The following SDK1 variants were observed in gnomAD, a reference collection of about 807,000 sequenced individuals.
SDK1 encodes the protein sidekick cell adhesion molecule 1.
In SDK1, 157 loss-of-function variants were observed where a neutral mutation model predicts 245.5. The ratio of observed to expected loss-of-function variants is 0.64; its 90% confidence interval spans 0.56 to 0.73. SDK1 has a LOEUF of 0.73. Ranked by LOEUF, SDK1 falls within the 30% of genes least tolerant of loss-of-function variation. The pLI, the probability that SDK1 is intolerant of heterozygous loss-of-function variation, is 0.00. For missense variants in SDK1, 3,583 were observed against 3,002.3 expected (o/e 1.19, Z -4.52); for synonymous variants, 1,647 against 1,278.5 (o/e 1.29, Z -6.15).
intron 4 of SDK1, among the ~76,000 whole-genome samples, chr7:3,735,444 T>C (rs571334882): frequency 9.3e-4 from 141 of 152,290 alleles, no homozygotes; most frequent in East Asian, 1.4e-3. Flanking sequence ...GACAGACTTA[T>C]TTCACTTGGT....
At chr7:3,942,947 C>T (rs978219744) in intron 5 of SDK1, among the ~76,000 whole-genome samples, 24 of 152,144 alleles carry the variant, frequency 1.6e-4, no homozygotes, top group African/African-American at 5.6e-4. Context: ...TTGAGGGCAG[C>T]TTTGACCTCA....
At chr7:4,018,898 A>G (rs1786646662) in intron 17 of SDK1, among the ~76,000 whole-genome samples, 1 of 152,224 alleles carries the variant, frequency 6.6e-6, no homozygotes, top group Non-Finnish European at 1.5e-5. Context: ...CTAGAGACAA[A>G]AAAAATGAAT....
intron 32 of SDK1, among the ~76,000 whole-genome samples, chr7:4,163,776 G>T (rs1781320427): frequency 6.6e-6 from 1 of 152,146 alleles, no homozygotes; most frequent in Non-Finnish European, 1.5e-5. Flanking sequence ...AGGCTGGGCT[G>T]TGGGTGGGGC....
Position 4,155,240 on chromosome 7 carries a change from C to T in SDK1, c.4626-3208C>T, listed in dbSNP as rs917467062. On this transcript the variant is annotated intron_variant, in intron 30 of 44. Transcript: ENST00000404826. ...ACCGAGAGGGTTAACTCCCCCAGAT[C>T]CGCATTTTGTGTTCCCTGCAGCTCA... Among the ~76,000 whole-genome samples the T allele has an allele frequency of 3.3e-5, 5 of 152,096 alleles. No homozygotes were observed. In the East Asian group the frequency reaches 9.7e-4, roughly 30 times the overall value.
At chr7:3,588,353 G>T (rs912505969) in intron 1 of SDK1, among the ~76,000 whole-genome samples, 1 of 152,184 alleles carries the variant, frequency 6.6e-6, no homozygotes, top group Non-Finnish European at 1.5e-5. Flanking sequence ...CAGTCTTTTA[G>T]TTGTATACTA....
At chr7:4,096,478 A>G (rs147039037) in intron 22 of SDK1, among the ~76,000 whole-genome samples, 2 of 152,150 alleles carry the variant, frequency 1.3e-5, no homozygotes, top group South Asian at 2.1e-4. Flanking sequence ...CTAGGGGCCA[A>G]CTATACCGGG....
At chr7:3,964,637 G>A (rs976225726) in intron 9 of SDK1, among the ~76,000 whole-genome samples, 3 of 152,090 alleles carry the variant, frequency 2.0e-5, no homozygotes, top group African/African-American at 7.2e-5. Context: ...TTCCATGGTT[G>A]TATAATACTG....
At chr7:3,769,550 T>A (rs183182213) in intron 4 of SDK1, among the ~76,000 whole-genome samples, 1 of 152,104 alleles carries the variant, frequency 6.6e-6, no homozygotes, top group African/African-American at 2.4e-5. Flanking sequence ...TACTATCACA[T>A]TGGGTATTAA....
At chr7:4,019,571 C>T (rs139658055) in intron 17 of SDK1, among the ~76,000 whole-genome samples, 1 of 152,030 alleles carries the variant, frequency 6.6e-6, no homozygotes, top group East Asian at 1.9e-4. Context: ...GAGAACCTGA[C>T]TTCGATTGGT....
At chr7:3,989,695 G>A (rs1315134880) in intron 14 of SDK1, among the ~76,000 whole-genome samples, 1 of 152,172 alleles carries the variant, frequency 6.6e-6, no homozygotes, top group Non-Finnish European at 1.5e-5. Context: ...GGCAGATTCA[G>A]CCTGAGTTCT....
At chr7:3,380,705 A>T (rs1490212317) in intron 1 of SDK1, among the ~76,000 whole-genome samples, 1 of 152,174 alleles carries the variant, frequency 6.6e-6, no homozygotes, top group Non-Finnish European at 1.5e-5. Context: ...TTCTTGATTT[A>T]CTGTAGAGTA....
At chr7:4,064,683 G>A (rs922245793) in intron 19 of SDK1, among the ~76,000 whole-genome samples, 2 of 152,040 alleles carry the variant, frequency 1.3e-5, no homozygotes, top group Admixed American at 6.6e-5. Flanking sequence ...GTAGACCAAC[G>A]GATAAGAAAA....
chr7:3,704,693 A>G (rs953453136), intron 4 of SDK1, among the ~76,000 whole-genome samples: 1 of 152,122 alleles, frequency 6.6e-6, no homozygotes, highest in Non-Finnish European at 1.5e-5. Flanking sequence ...TTTTAGTTTA[A>G]TTAGATCCCA....
rs770171071 is a variant in SDK1, at chr7:4,221,314, A to G, written c.5777A>G (p.His1926Arg). ...SELTLQWTEG[H>R]SGDTPTTGYV... ...CTGACGCTGCAGTGGACTGAGGGAC[A>G]CTCTGGCGACACACCTACCACGGGC... The change falls in exon 40 of 45, where the codon CAC becomes CGC. Residue 1926 changes from histidine (H) to arginine (R), a missense_variant. By Grantham distance (29) the His-to-Arg change is conservative. Coordinates refer to ENST00000404826, the MANE Select transcript of SDK1 (RefSeq NM_152744.4). 3.7e-6 allele frequency: 6 copies of G among 1,613,322 alleles called. No homozygotes were observed. The South Asian group carries it at 6.6e-5, about 18-fold the overall frequency.
At chr7:4,084,663 T>TA (rs199777317) in intron 22 of SDK1, among the ~76,000 whole-genome samples, 65 of 105,270 alleles carry the variant, frequency 6.2e-4, no homozygotes, top group African/African-American at 5.6e-3. Context: ...CTTAAATGTA[T>TA]ATGTTATGTT....
chr7:3,823,942 G>T (rs7786971), intron 5 of SDK1, among the ~76,000 whole-genome samples: 6 of 138,106 alleles, frequency 4.3e-5, no homozygotes, highest in South Asian at 2.4e-4. Context: ...ATGCTTTTTT[G>T]TTTTTTTGTG....
intron 1 of SDK1, among the ~76,000 whole-genome samples, chr7:3,532,739 A>G (rs1783390927): frequency 6.6e-6 from 1 of 152,176 alleles, no homozygotes; most frequent in African/African-American, 2.4e-5. Flanking sequence ...GAGTCATCCT[A>G]GACTCCTCTG....
At chr7:3,315,260 A>T (rs1175107873) in intron 1 of SDK1, among the ~76,000 whole-genome samples, 5 of 152,152 alleles carry the variant, frequency 3.3e-5, no homozygotes, top group African/African-American at 9.7e-5. Context: ...GTTTTTACGG[A>T]GTGCTTTTCT....
rs182745239 is a variant in SDK1, at chr7:3,798,310, T to C, written c.714-23140T>C. ...TCAGCTCACTGCAAGCTCTACCTCCTGGGTTCACACCATTCTCCTGCCTCA... is the reference window on the plus strand; with the variant it reads ...TCAGCTCACTGCAAGCTCTACCTCCCGGGTTCACACCATTCTCCTGCCTCA... On this transcript the variant is annotated intron_variant, in intron 4 of 44. Transcript: ENST00000404826. 2.0e-3 allele frequency among the ~76,000 whole-genome samples: 289 copies of C among 147,374 alleles called. 2 individuals are homozygous for C. In the East Asian group the frequency reaches 0.026, roughly 13 times the overall value.
Sources: gnomAD v4.1 joint callset for allele counts (sites outside exome capture counted in the v4.1 genomes callset) on GRCh38, gnomAD v4.1.1 for gene constraint, MANE v1.5 for transcripts, NCBI Gene and HGNC (gene_info 2026-07-23, HGNC 2026-07-21) for gene names.